Variants in SLC8A1 observed in about 807,000 individuals in gnomAD.
The protein encoded by SLC8A1 is solute carrier family 8 member A1.
In SLC8A1, 18 loss-of-function variants were observed where a neutral mutation model predicts 68.3. The observed-to-expected ratio is 0.26, with a 90% CI of 0.18 to 0.39. The LOEUF is 0.39. Ranked by LOEUF, SLC8A1 falls within the 10% of genes least tolerant of loss-of-function variation. SLC8A1 has a pLI of 1.00. For synonymous variants in SLC8A1, 475 were observed against 415.5 expected (o/e 1.14, Z -1.74); for missense variants, 985 against 1,156.7 (o/e 0.85, Z 2.15).
chr2:40,474,034 A>G (rs1176538584), intron 1 of SLC8A1, among the ~76,000 whole-genome samples: 1 of 152,190 alleles, frequency 6.6e-6, no homozygotes, highest in Non-Finnish European at 1.5e-5. Context: ...ATGATCTAGA[A>G]CATTCCAGCT....
rs75912176 is a variant in SLC8A1 at position 40,201,525 on chromosome 2, T to C, written c.1809-23670A>G. 8.5e-3 allele frequency among the ~76,000 whole-genome samples: 1,297 copies of C among 152,042 alleles called. 22 individuals carry two copies. Among genetic ancestry groups the C allele is most frequent in the African/African-American group, 0.03 (1,253 of 41,510 alleles). ...TCCAGTTAGGAAACACCAGTCTAAA[T>C]TGAAGGTATAGTATGTCTCCACTTT... is the stretch of plus-strand genomic sequence containing the variant. On this transcript the variant is annotated intron_variant, in intron 2 of 7. Transcript: ENST00000406785.
chr2:40,248,142 A>C (rs1476827037), intron 2 of SLC8A1, among the ~76,000 whole-genome samples: 1 of 152,194 alleles, frequency 6.6e-6, no homozygotes, highest in Non-Finnish European at 1.5e-5. Context: ...ACTTTTGATG[A>C]CATTAAGATA....
intron 2 of SLC8A1, among the ~76,000 whole-genome samples, chr2:40,284,738 C>T (rs1302388549): frequency 6.6e-6 from 1 of 151,688 alleles, no homozygotes; most frequent in African/African-American, 2.4e-5. Flanking sequence ...TAGTCTGCCA[C>T]TCTAATCTCT....
intron 2 of SLC8A1, among the ~76,000 whole-genome samples, chr2:40,350,998 A>G (rs1336098405): frequency 1.3e-5 from 2 of 152,132 alleles, no homozygotes; most frequent in Non-Finnish European, 2.9e-5. Flanking sequence ...TAAACTTCAC[A>G]TTCTCATCCT....
At chr2:40,430,441 G>C in intron 1 of SLC8A1, 137 bp from the exon 2 acceptor site, 1 of 812,090 alleles carries the variant, frequency 1.2e-6, no homozygotes, top group Non-Finnish European at 1.9e-6. Context: ...ACCGAAATTT[G>C]TTTATATTTG....
At chr2:40,271,589 G>C (rs2066034625) in intron 2 of SLC8A1, among the ~76,000 whole-genome samples, 1 of 152,036 alleles carries the variant, frequency 6.6e-6, no homozygotes, top group South Asian at 2.1e-4. Flanking sequence ...TTGATTATTT[G>C]TCTCTGCCAC....
chr2:40,455,388 C>CAG (rs1702936946), upstream of SLC8A1, among the ~76,000 whole-genome samples: 1 of 152,150 alleles, frequency 6.6e-6, no homozygotes, highest in South Asian at 2.1e-4. Context: ...TTACATAAAT[C>CAG]AGAGGTACCT....
chr2:40,282,624 C>G (rs2067689451), intron 2 of SLC8A1, among the ~76,000 whole-genome samples: 1 of 152,158 alleles, frequency 6.6e-6, no homozygotes, highest in Non-Finnish European at 1.5e-5. Flanking sequence ...TTTGCACGCT[C>G]CTTTGCTCCG....
chr2:40,303,882 C>G (rs774640779), intron 2 of SLC8A1, among the ~76,000 whole-genome samples: 1 of 152,168 alleles, frequency 6.6e-6, no homozygotes, highest in Non-Finnish European at 1.5e-5. Flanking sequence ...ATTAAAGGAG[C>G]TTGTGTTTTC....
chr2:40,378,052 T>C (rs1197524581), intron 2 of SLC8A1, among the ~76,000 whole-genome samples: 1 of 152,146 alleles, frequency 6.6e-6, no homozygotes, highest in East Asian at 1.9e-4. Context: ...AATAACCTGC[T>C]GTATGCAATG....
intron 2 of SLC8A1, among the ~76,000 whole-genome samples, chr2:40,263,205 A>C (rs2064932254): frequency 6.6e-6 from 1 of 152,232 alleles, no homozygotes; most frequent in South Asian, 2.1e-4. Context: ...AACCTTTCCA[A>C]GCCTCAGCTT....
intron 6 of SLC8A1, among the ~76,000 whole-genome samples, chr2:40,152,340 A>C (rs2043591603): frequency 1.3e-5 from 2 of 152,204 alleles, no homozygotes; most frequent in East Asian, 3.9e-4. Context: ...ATAGTAAAAC[A>C]ACAGATAAAT....
At chr2:40,402,363 C>T (rs1689007124) in intron 2 of SLC8A1, among the ~76,000 whole-genome samples, 3 of 152,214 alleles carry the variant, frequency 2.0e-5, no homozygotes, top group African/African-American at 7.2e-5. Context: ...AGGAATAATT[C>T]ACCCCTTGGC....
chr2:40,494,868 A>G (rs1401381285), intron 1 of SLC8A1, among the ~76,000 whole-genome samples: 1 of 151,468 alleles, frequency 6.6e-6, no homozygotes, highest in Non-Finnish European at 1.5e-5. Flanking sequence ...ACAACACTTT[A>G]TCATGTACCG....
chr2:40,322,031 T>C (rs2075263459), intron 2 of SLC8A1, among the ~76,000 whole-genome samples: 1 of 152,162 alleles, frequency 6.6e-6, no homozygotes, highest in Non-Finnish European at 1.5e-5. Context: ...TGACTCTCAC[T>C]AGAATTGACA....
At chr2:40,259,083 T>C (rs564233840) in intron 2 of SLC8A1, among the ~76,000 whole-genome samples, 1 of 152,278 alleles carries the variant, frequency 6.6e-6, no homozygotes, top group South Asian at 2.1e-4. Context: ...TTACTATTAG[T>C]ACTTTGGAGA....
intron 1 of SLC8A1, among the ~76,000 whole-genome samples, chr2:40,474,148 A>T (rs1288638815): frequency 1.3e-5 from 2 of 152,120 alleles, no homozygotes; most frequent in Non-Finnish European, 2.9e-5. Flanking sequence ...CTCTCATGAC[A>T]CTGTGTCAGA....
intron 2 of SLC8A1, among the ~76,000 whole-genome samples, chr2:40,312,563 G>T (rs980315338): frequency 2.0e-5 from 3 of 151,942 alleles, no homozygotes; most frequent in African/African-American, 7.3e-5. Context: ...AAATATACAG[G>T]TATAAATATG....
At chr2:40,331,531 T>C (rs1052552141) in intron 2 of SLC8A1, among the ~76,000 whole-genome samples, 1 of 152,086 alleles carries the variant, frequency 6.6e-6, no homozygotes, top group African/African-American at 2.4e-5. Flanking sequence ...ATAGGATGAG[T>C]TTTGTACTAA....
Sources: allele counts gnomAD v4.1 joint callset (sites outside exome capture counted in the v4.1 genomes callset), GRCh38; gene constraint gnomAD v4.1.1; transcripts MANE v1.5; gene names NCBI Gene and HGNC (gene_info 2026-07-23, HGNC 2026-07-21).